Variants in CCDC66 observed in about 807,000 individuals in gnomAD.
CCDC66 encodes coiled-coil domain-containing protein 66.
A neutral mutation model predicts 128.3 loss-of-function variants in CCDC66; 133 were observed. The ratio of observed to expected loss-of-function variants is 1.04; its 90% CI spans 0.90 to 1.20. CCDC66 has a LOEUF of 1.20. CCDC66 is among the 50% of genes most tolerant of loss of function. The pLI, the probability that CCDC66 is intolerant of heterozygous loss-of-function variation, is 0.00. For synonymous variants in CCDC66, 387 were observed against 357.0 expected, an observed-to-expected ratio of 1.08 and a Z score of -0.95; for missense variants, 1,126 against 1,075.5, an observed-to-expected ratio of 1.05 and a Z score of -0.66.
intron 4 of CCDC66, 78 bp downstream of exon 4, chr3:56,564,203 T>C: frequency 9.3e-7 from 1 of 1,075,170 alleles, no homozygotes; most frequent in African/African-American, 1.6e-5. Flanking sequence ...TTGGGTTTTA[T>C]GTAACTGTGA....
chr3:56,567,532 A>C (rs2066028540), intron 6 of CCDC66, among the ~76,000 whole-genome samples: 2 of 152,266 alleles, frequency 1.3e-5, no homozygotes, highest in Admixed American at 1.3e-4. Flanking sequence ...ATTAACATGC[A>C]TGGAAGTTTT....
At chr3:56,592,949 G>A (rs746166825) in intron 7 of CCDC66, 21 bp from the exon 8 acceptor site, 1 of 1,597,968 alleles carries the variant, frequency 6.3e-7, no homozygotes, top group Admixed American at 1.8e-5. Flanking sequence ...ACTTTAGATG[G>A]CTTTTATGGC....
At chr3:56,604,485 CT>C (rs957120765) in intron 10 of CCDC66, among the ~76,000 whole-genome samples, 2 of 151,984 alleles carry the variant, frequency 1.3e-5, no homozygotes. Flanking sequence ...GTGACAAAAT[CT>C]CTCAGAATTT....
At chr3:56,579,584 T>C (rs1012096189) in intron 7 of CCDC66, among the ~76,000 whole-genome samples, 3 of 150,644 alleles carry the variant, frequency 2.0e-5, no homozygotes, top group African/African-American at 7.3e-5. Context: ...GCTTTGAATG[T>C]GTCCCAGAGA....
intron 7 of CCDC66, among the ~76,000 whole-genome samples, chr3:56,575,559 A>C (rs1479281396): frequency 6.6e-6 from 1 of 151,734 alleles, no homozygotes; most frequent in Non-Finnish European, 1.5e-5. Flanking sequence ...TCTTGATAAT[A>C]GTGTCCTTTG....
At chr3:56,607,963 C>T (rs2074294233) in intron 10 of CCDC66, among the ~76,000 whole-genome samples, 1 of 152,100 alleles carries the variant, frequency 6.6e-6, no homozygotes, top group Non-Finnish European at 1.5e-5. Context: ...TAAACCATCC[C>T]TGCATCCCTG....
At chr3:56,568,450 T>G (rs912798152) in intron 6 of CCDC66, among the ~76,000 whole-genome samples, 1 of 152,214 alleles carries the variant, frequency 6.6e-6, no homozygotes, top group Non-Finnish European at 1.5e-5. Context: ...TTATAATATT[T>G]GACATCTAGA....
chr3:56,574,139 G>A (rs535503884), intron 7 of CCDC66, among the ~76,000 whole-genome samples: 13 of 151,624 alleles, frequency 8.6e-5, no homozygotes, highest in South Asian at 4.2e-4. Flanking sequence ...CGAGGTGGGC[G>A]GATCACGAGG....
At position 56,619,464 on chromosome 3, in the gene CCDC66, C is replaced by T. The variant is rs138859904; in HGVS notation, c.2572C>T (p.Leu858Phe). ...TGTTCGAACAAATGAGATCTATTAC[C>T]TTGATCCCGATGCACCATTGTCTGG... ...PYVRTNEIYY[L>F]DPDAPLSGPS... The change falls in exon 16 of 18, where the codon CTT becomes TTT. Residue 858 changes from leucine to phenylalanine, a missense_variant. Leu to Phe is a conservative substitution (Grantham distance 22). Coordinates refer to ENST00000394672, the MANE Select transcript of CCDC66 (RefSeq NM_001141947.3). 7.2e-4 allele frequency: 1,164 copies of T among 1,613,946 alleles called. 10 individuals carry two copies. Among genetic ancestry groups the T allele is most frequent in the East Asian group, 2.0e-4 (9 of 44,866 alleles).
intron 14 of CCDC66, chr3:56,617,874 T>C (rs75531148): frequency 0.089 from 50,423 of 563,694 alleles, 2,444 homozygotes; most frequent in East Asian, 0.13. Flanking sequence ...GCTGAAAAGG[T>C]TTCCTTATGC....
intron 10 of CCDC66, 26 bp from the exon 11 acceptor site, chr3:56,613,563 T>C (rs1377027896): frequency 1.9e-6 from 3 of 1,595,842 alleles, no homozygotes; most frequent in South Asian, 2.3e-5. Context: ...TTTTTGACAA[T>C]GATTTACGTG....
chr3:56,599,656 A>T (rs1577783048), intron 10 of CCDC66, among the ~76,000 whole-genome samples: 1 of 151,948 alleles, frequency 6.6e-6, no homozygotes, highest in Non-Finnish European at 1.5e-5. Context: ...GTTCAGAAGC[A>T]TGTGGTTTAA....
intron 3 of CCDC66, among the ~76,000 whole-genome samples, chr3:56,562,188 G>A (rs765216388): frequency 6.6e-6 from 1 of 151,658 alleles, no homozygotes; most frequent in Non-Finnish European, 1.5e-5. Flanking sequence ...CTACAGGCGC[G>A]TGCCCACACC....
At chr3:56,597,493 T>C (rs758721492) in intron 10 of CCDC66, among the ~76,000 whole-genome samples, 3 of 152,104 alleles carry the variant, frequency 2.0e-5, no homozygotes, top group Non-Finnish European at 4.4e-5. Context: ...GGCATAATTC[T>C]TCTGATCCAT....
intron 10 of CCDC66, among the ~76,000 whole-genome samples, chr3:56,610,253 T>C (rs1181323748): frequency 6.6e-6 from 1 of 152,198 alleles, no homozygotes; most frequent in African/African-American, 2.4e-5. Context: ...TTCTTTCTTC[T>C]ACTTGTTCAA....
intron 10 of CCDC66, among the ~76,000 whole-genome samples, chr3:56,608,736 G>A (rs989502989): frequency 2.9e-4 from 44 of 152,108 alleles, no homozygotes; most frequent in African/African-American, 1.0e-3. Context: ...TGATGTAGGT[G>A]TTTTAGGGCT....
chr3:56,584,577 G>A (rs1461570920), intron 7 of CCDC66, among the ~76,000 whole-genome samples: 9 of 150,968 alleles, frequency 6.0e-5, no homozygotes, highest in African/African-American at 1.5e-4. Flanking sequence ...ATGGGATGGC[G>A]GCCGGGAAGA....
Position 56,582,183 on chromosome 3 carries a change from G to A in CCDC66, c.937-10787G>A, listed in dbSNP as rs961383184. Among the ~76,000 whole-genome samples, 13 of 152,046 alleles carry A rather than the reference G, an allele frequency of 8.6e-5. 1 individual carries two copies. Among genetic ancestry groups the A allele is most frequent in the Admixed American group, 2.0e-4 (3 of 15,172 alleles). ...TCAGACTGCTGTGCTAGCAGTGAGC[G>A]AGGCTCCGTGGGCGTGGGACCCTCC... On this transcript the variant is annotated intron_variant, in intron 7 of 17. Transcript: ENST00000394672.
chr3:56,560,361 A>G (rs62255966), intron 3 of CCDC66, among the ~76,000 whole-genome samples: 7,506 of 152,256 alleles, frequency 0.049, 194 homozygotes, highest in East Asian at 0.09. Flanking sequence ...ATGAGCCACC[A>G]TGCCCAGCTA....
Sources: gnomAD v4.1 joint callset for allele counts (sites outside exome capture counted in the v4.1 genomes callset) on GRCh38, gnomAD v4.1.1 for gene constraint, MANE v1.5 for transcripts, NCBI Gene and HGNC (gene_info 2026-07-23, HGNC 2026-07-21) for gene names.